The following SLC39A11 variants were observed in gnomAD, a reference collection of about 807,000 sequenced individuals.
SLC39A11 encodes the protein solute carrier family 39 member 11.
A neutral mutation model predicts 36.1 loss-of-function variants in SLC39A11; 33 were observed. That is an observed-to-expected ratio of 0.91 (90% CI 0.69 to 1.22). The LOEUF (loss-of-function observed/expected upper bound fraction) is 1.22, where lower values mean the gene tolerates loss of function less well. Among genes scored for constraint, SLC39A11 ranks in the 50% most tolerant of loss-of-function variants. The pLI is 0.00. For missense variants in SLC39A11, 432 were observed against 430.3 expected, an observed-to-expected ratio of 1.00 and a Z score of -0.03; for synonymous variants, 166 against 170.3, an observed-to-expected ratio of 0.97 and a Z score of 0.20.
chr17:72,921,632 A>G lies in SLC39A11; in HGVS notation c.430+26120T>C, dbSNP rs184672298. Reference sequence around the variant, plus strand: ...CAGGAATATGCATATTGCTGGAATAAAGATCCATAACTTTCACCAGCTTCT... The same window carrying G: ...CAGGAATATGCATATTGCTGGAATAGAGATCCATAACTTTCACCAGCTTCT... On this transcript the variant is annotated intron_variant, in intron 5 of 9. Transcript: ENST00000255559. 2.0e-5 allele frequency among the ~76,000 whole-genome samples: 3 copies of G among 152,350 alleles called. No homozygotes were observed. In the East Asian group the frequency reaches 5.8e-4, roughly 29 times the overall value.
At chr17:72,777,847 G>GTGTATGTA (rs1442825892) in intron 6 of SLC39A11, among the ~76,000 whole-genome samples, 1 of 140,352 alleles carries the variant, frequency 7.1e-6, no homozygotes, top group East Asian at 2.1e-4. Flanking sequence ...CGTACACTGT[G>GTGTATGTA]TGTATGTATG....
At chr17:72,680,534 G>GCCC (rs1200513262) in intron 7 of SLC39A11, among the ~76,000 whole-genome samples, 2 of 152,198 alleles carry the variant, frequency 1.3e-5, no homozygotes, top group Non-Finnish European at 2.9e-5. Flanking sequence ...TCTTGCTGCT[G>GCCC]CCATGTAAGA....
chr17:72,835,910 C>T (rs1000722095), intron 6 of SLC39A11, among the ~76,000 whole-genome samples: 4 of 152,196 alleles, frequency 2.6e-5, no homozygotes, highest in Admixed American at 2.0e-4. Context: ...CAAGTCTTGG[C>T]CTTTCTGCTC....
intron 5 of SLC39A11, among the ~76,000 whole-genome samples, chr17:72,893,322 G>T (rs933829953): frequency 6.6e-6 from 1 of 152,122 alleles, no homozygotes; most frequent in Non-Finnish European, 1.5e-5. Context: ...TTAGCCAGGC[G>T]TGGTGACACA....
intron 6 of SLC39A11, among the ~76,000 whole-genome samples, chr17:72,745,911 C>G (rs556283685): frequency 6.1e-4 from 93 of 152,212 alleles, no homozygotes; most frequent in African/African-American, 2.1e-3. Context: ...ACCAACAAAC[C>G]CCAAAGGTGG....
intron 7 of SLC39A11, among the ~76,000 whole-genome samples, chr17:72,715,219 A>G (rs965617418): frequency 6.6e-6 from 1 of 152,226 alleles, no homozygotes; most frequent in Non-Finnish European, 1.5e-5. Context: ...GTTACAAGGC[A>G]GATAAGATGC....
At chr17:72,894,942 T>C (rs2081955942) in intron 5 of SLC39A11, among the ~76,000 whole-genome samples, 1 of 152,176 alleles carries the variant, frequency 6.6e-6, no homozygotes, top group South Asian at 2.1e-4. Context: ...CAGCAGGAAC[T>C]GACCAGGGTG....
intron 5 of SLC39A11, among the ~76,000 whole-genome samples, chr17:72,860,026 G>C (rs866009465): frequency 3.8e-4 from 43 of 112,268 alleles, no homozygotes; most frequent in African/African-American, 1.6e-3. Flanking sequence ...GGAGGGGAGG[G>C]GAGGGGAGGG....
intron 3 of SLC39A11, among the ~76,000 whole-genome samples, chr17:73,041,934 G>C (rs1189256893): frequency 2.0e-5 from 3 of 152,098 alleles, no homozygotes; most frequent in African/African-American, 7.2e-5. Context: ...AAAATATCAT[G>C]CAAAATGCCC....
At chr17:72,938,545 C>T (rs1449085531) in intron 5 of SLC39A11, among the ~76,000 whole-genome samples, 1 of 152,152 alleles carries the variant, frequency 6.6e-6, no homozygotes, top group Non-Finnish European at 1.5e-5. Flanking sequence ...GCACTCAAAA[C>T]CAACGTGCCA....
At chr17:72,825,040 G>T (rs1290315228) in intron 6 of SLC39A11, among the ~76,000 whole-genome samples, 1 of 151,350 alleles carries the variant, frequency 6.6e-6, no homozygotes, top group Admixed American at 6.6e-5. Context: ...AAGTAAAGAG[G>T]GGCCGAATGT....
chr17:72,841,413 G>A (rs2078802025), intron 6 of SLC39A11, among the ~76,000 whole-genome samples: 1 of 152,198 alleles, frequency 6.6e-6, no homozygotes. Context: ...GATGGAACTG[G>A]AGGTTATTAT....
At chr17:72,654,071 G>A (rs1487922348) in intron 7 of SLC39A11, among the ~76,000 whole-genome samples, 5 of 152,136 alleles carry the variant, frequency 3.3e-5, no homozygotes, top group South Asian at 2.1e-4. Context: ...GGGAGTGAGC[G>A]GGTGGCCCTG....
chr17:73,090,579 G>A (rs2060892004), intron 1 of SLC39A11, among the ~76,000 whole-genome samples: 1 of 152,128 alleles, frequency 6.6e-6, no homozygotes, highest in Non-Finnish European at 1.5e-5. Context: ...ACAGCACAAA[G>A]GGATCATCCT....
Position 72,781,419 on chromosome 17 carries a change from T to TTTTTTTC in SLC39A11, c.602-44707_602-44701dup, listed in dbSNP as rs2076315057. Among the ~76,000 whole-genome samples, 3 of 152,212 alleles carry TTTTTTTC rather than the reference T, an allele frequency of 2.0e-5. 1 individual carries two copies. In the South Asian group the frequency reaches 6.2e-4, roughly 32 times the overall value. On this transcript the variant is annotated intron_variant, in intron 6 of 9. Transcript: ENST00000255559. ...TCTTATTTTGTTTCTTTTGGTTTTTTTTTTTTCTTTTTTCTTTTTTTTGAG... is the reference window on the plus strand; with the variant it reads ...TCTTATTTTGTTTCTTTTGGTTTTTTTTTTTTCTTTTTTCTTTTTTCTTTTTTTTGAG...
chr17:73,026,641 A>G (rs1384595933), intron 4 of SLC39A11, among the ~76,000 whole-genome samples: 1 of 152,116 alleles, frequency 6.6e-6, no homozygotes, highest in Admixed American at 6.6e-5. Flanking sequence ...GGAAAAGATA[A>G]AAGTAGGAGA....
At chr17:72,734,632 T>G (rs1403659807) in intron 7 of SLC39A11, among the ~76,000 whole-genome samples, 1 of 152,218 alleles carries the variant, frequency 6.6e-6, no homozygotes, top group Admixed American at 6.5e-5. Flanking sequence ...TTTGCTCCAC[T>G]TTCTTCCAAA....
At chr17:72,687,857 T>G (rs2071831719) in intron 7 of SLC39A11, among the ~76,000 whole-genome samples, 1 of 152,162 alleles carries the variant, frequency 6.6e-6, no homozygotes, top group South Asian at 2.1e-4. Flanking sequence ...ATTATTCCAA[T>G]TTTTCACATG....
chr17:72,829,953 CAG>C (rs139240271), intron 6 of SLC39A11, among the ~76,000 whole-genome samples: 1,787 of 152,132 alleles, frequency 0.012, 36 homozygotes, highest in African/African-American at 0.041. Flanking sequence ...GGGATCGGTG[CAG>C]AGTCAGGGAA....
Sources: gnomAD v4.1 joint callset for allele counts (sites outside exome capture counted in the v4.1 genomes callset) on GRCh38, gnomAD v4.1.1 for gene constraint, MANE v1.5 for transcripts, NCBI Gene and HGNC (gene_info 2026-07-23, HGNC 2026-07-21) for gene names.